The following ADAMTS20 variants were observed in gnomAD, a reference collection of about 807,000 sequenced individuals.
The protein encoded by ADAMTS20 is ADAM metallopeptidase with thrombospondin type 1 motif 20.
Under a neutral mutation model 260.1 loss-of-function variants are expected in ADAMTS20, and 225 were observed. That is an observed-to-expected ratio of 0.87 (90% confidence interval 0.78 to 0.97). The LOEUF (loss-of-function observed/expected upper bound fraction) is 0.97. ADAMTS20 is among the 50% of genes least tolerant of loss of function. The pLI, the probability that ADAMTS20 is intolerant of heterozygous loss-of-function variation, is 0.00. For synonymous variants in ADAMTS20, 802 were observed against 769.5 expected (o/e 1.04, Z -0.70); for missense variants, 2,400 against 2,337.7 (o/e 1.03, Z -0.55).
At chr12:43,550,389 C>T (rs1943495915) in intron 2 of ADAMTS20, among the ~76,000 whole-genome samples, 1 of 152,190 alleles carries the variant, frequency 6.6e-6, no homozygotes, top group Admixed American at 6.5e-5. Flanking sequence ...AACCTCTTCC[C>T]TACTCTACTT....
chr12:43,353,421 C>T (rs1939675351), downstream of ADAMTS20, among the ~76,000 whole-genome samples: 2 of 151,716 alleles, frequency 1.3e-5, no homozygotes, highest in African/African-American at 4.8e-5. Flanking sequence ...TATACACATA[C>T]AAGAATTATA....
At chr12:43,444,233 A>C (rs1175496673) in intron 15 of ADAMTS20, among the ~76,000 whole-genome samples, 8 of 152,134 alleles carry the variant, frequency 5.3e-5, no homozygotes, top group Admixed American at 5.2e-4. Flanking sequence ...TATATTTTAT[A>C]CTGGGAAAAA....
rs778672874 is a variant in ADAMTS20 at position 43,488,693 on chromosome 12, C to G, written c.1117+1702G>C. On this transcript the variant is annotated intron_variant, in intron 7 of 38. Transcript: ENST00000389420. Reference sequence around the variant, plus strand: ...TGGCTTATAAGGATTGCTTTAGCACCATTACGTTAAATAAACAATGTGCAT... The same window carrying G: ...TGGCTTATAAGGATTGCTTTAGCACGATTACGTTAAATAAACAATGTGCAT... Among the ~76,000 whole-genome samples the G allele has an allele frequency of 2.5e-4, 38 of 152,224 alleles. No homozygotes were observed. In the Middle Eastern group the frequency reaches 0.01, roughly 41 times the overall value.
intron 37 of ADAMTS20, among the ~76,000 whole-genome samples, chr12:43,357,020 A>T (rs1160996264): frequency 1.3e-5 from 2 of 152,178 alleles, no homozygotes; most frequent in Non-Finnish European, 2.9e-5. Context: ...AACACCAGAA[A>T]CAGCGTGCAG....
chr12:43,367,233 A>AT (rs1940006410), intron 37 of ADAMTS20, among the ~76,000 whole-genome samples: 1 of 152,150 alleles, frequency 6.6e-6, no homozygotes, highest in East Asian at 1.9e-4. Context: ...AATGAGACAG[A>AT]TATCACAAGA....
chr12:43,396,808 A>G (rs1437078141), intron 29 of ADAMTS20, among the ~76,000 whole-genome samples: 2 of 152,290 alleles, frequency 1.3e-5, no homozygotes, highest in Non-Finnish European at 2.9e-5. Flanking sequence ...CTGGAGGTTC[A>G]GAGACAGAAA....
intron 16 of ADAMTS20, 148 bp from the exon 17 acceptor site, chr12:43,440,217 C>G: frequency 1.6e-6 from 1 of 618,906 alleles, no homozygotes; most frequent in Non-Finnish European, 2.7e-6. Flanking sequence ...AATATTGGCT[C>G]ACTGTAACCT....
At chr12:43,512,761 A>G (rs1437103412) in intron 3 of ADAMTS20, among the ~76,000 whole-genome samples, 1 of 152,188 alleles carries the variant, frequency 6.6e-6, no homozygotes, top group Admixed American at 6.5e-5. Flanking sequence ...TAAAACATAG[A>G]GACATGTGAC....
chr12:43,396,015 T>TA (rs1416166902), intron 29 of ADAMTS20, among the ~76,000 whole-genome samples: 1 of 151,596 alleles, frequency 6.6e-6, no homozygotes, highest in East Asian at 1.9e-4. Flanking sequence ...TAGATAAAAT[T>TA]AAACGAAAAA....
intron 2 of ADAMTS20, among the ~76,000 whole-genome samples, chr12:43,541,340 T>C (rs565423836): frequency 3.3e-5 from 5 of 152,206 alleles, no homozygotes; most frequent in Non-Finnish European, 7.4e-5. Context: ...CCATTGTCTG[T>C]AAAACAAAAT....
intron 3 of ADAMTS20, among the ~76,000 whole-genome samples, chr12:43,528,481 C>G (rs928116570): frequency 2.0e-5 from 3 of 148,984 alleles, no homozygotes; most frequent in African/African-American, 7.4e-5. Flanking sequence ...ACCAATGGAA[C>G]AGAATAGAGA....
intron 9 of ADAMTS20, among the ~76,000 whole-genome samples, chr12:43,465,813 G>GTAC (rs1942142511): frequency 6.6e-6 from 1 of 151,966 alleles, no homozygotes; most frequent in African/African-American, 2.4e-5. Flanking sequence ...ATAGAAGTAT[G>GTAC]TACTATCACT....
At chr12:43,525,104 A>T (rs1306334722) in intron 3 of ADAMTS20, among the ~76,000 whole-genome samples, 1 of 152,202 alleles carries the variant, frequency 6.6e-6, no homozygotes, top group Non-Finnish European at 1.5e-5. Context: ...TAAACATAAA[A>T]GAAAGAATTC....
rs1565670722 is a variant in ADAMTS20, at chr12:43,375,528, G to T, written c.5313-16C>A. 6.2e-7 allele frequency: 1 copy of T among 1,611,622 alleles called. No homozygotes were observed. The highest frequency in any genetic ancestry group is 8.5e-7 in the Non-Finnish European group (1 of 1,178,834). ...ATTTTTTAGTCTGTAACAACATTGGGATATTTTAGTATTAGATGCAGTTAC... is the reference window on the plus strand; with the variant it reads ...ATTTTTTAGTCTGTAACAACATTGGTATATTTTAGTATTAGATGCAGTTAC... On this transcript the variant is annotated splice_polypyrimidine_tract_variant and intron_variant, in intron 35 of 38. Transcript: ENST00000389420.
At chr12:43,505,196 C>T (rs150993533) in intron 3 of ADAMTS20, among the ~76,000 whole-genome samples, 8 of 152,144 alleles carry the variant, frequency 5.3e-5, no homozygotes, top group Admixed American at 3.9e-4. Context: ...TAGAAGAAAA[C>T]ATAGAGAAAG....
chr12:43,502,420 A>G lies in ADAMTS20; in HGVS notation c.614-15T>C. On this transcript the variant is annotated splice_polypyrimidine_tract_variant and intron_variant, in intron 3 of 38. Coordinates refer to ENST00000389420, the MANE Select transcript of ADAMTS20 (RefSeq NM_025003.5). ...TATTTGACTTTCTAGGGAGAAAAAA[A>G]GAATATAATGCAGAGCCATTAAATT... 6.3e-7 allele frequency: 1 copy of G among 1,576,216 alleles called. No individual in the cohort carries two copies. The highest frequency in any genetic ancestry group is 8.5e-7 in the Non-Finnish European group (1 of 1,170,998).
At chr12:43,434,878 T>G (rs61925143) in intron 18 of ADAMTS20, among the ~76,000 whole-genome samples, 18,649 of 152,094 alleles carry the variant, frequency 0.12, 1,291 homozygotes, top group Admixed American at 0.21. Flanking sequence ...CCTATTCCAG[T>G]CCCACCCAGC....
At chr12:43,412,844 C>T (rs1444375530) in intron 28 of ADAMTS20, among the ~76,000 whole-genome samples, 2 of 120,126 alleles carry the variant, frequency 1.7e-5, no homozygotes, top group African/African-American at 6.7e-5. Context: ...CAGAGTCTGG[C>T]TCTGTCGCCC....
At chr12:43,449,839 G>C (rs1941832469) in intron 14 of ADAMTS20, among the ~76,000 whole-genome samples, 1 of 152,072 alleles carries the variant, frequency 6.6e-6, no homozygotes, top group Admixed American at 6.6e-5. Flanking sequence ...CAGACCTCCT[G>C]CATCAACATC....
Sources: allele counts gnomAD v4.1 joint callset (sites outside exome capture counted in the v4.1 genomes callset), GRCh38; gene constraint gnomAD v4.1.1; transcripts MANE v1.5; gene names NCBI Gene and HGNC (gene_info 2026-07-23, HGNC 2026-07-21).